Variants in DGKQ observed in about 807,000 individuals in gnomAD.
DGKQ encodes the protein DAG kinase theta.
A neutral mutation model predicts 104.2 loss-of-function variants in DGKQ; 97 were observed. The ratio of observed to expected loss-of-function variants is 0.93; its 90% CI spans 0.79 to 1.10. DGKQ has a LOEUF of 1.10. Ranked by LOEUF, DGKQ falls within the 50% of genes least tolerant of loss-of-function variation. The pLI, the probability that DGKQ is intolerant of heterozygous loss-of-function variation, is 0.00. For missense variants in DGKQ, 1,465 were observed against 1,352.1 expected (o/e 1.08, Z -1.31); for synonymous variants, 736 against 595.2 (o/e 1.24, Z -3.44).
chr4:961,840 G>A lies in DGKQ; in HGVS notation c.2316-6C>T, dbSNP rs201948586. ...ACACACCCTTGTTGTGCAGCCTGCA[G>A]GACGGGGCAGGTCACCCATCACCAG... On this transcript the variant is annotated splice_region_variant and splice_polypyrimidine_tract_variant and intron_variant, in intron 19 of 22. Coordinates refer to ENST00000273814, the MANE Select transcript of DGKQ (RefSeq NM_001347.4). 6.1e-5 allele frequency: 98 copies of A among 1,593,756 alleles called. 2 individuals carry two copies. In the East Asian group the frequency reaches 2.1e-3, roughly 34 times the overall value.
intron 12 of DGKQ, 174 bp from the exon 13 acceptor site, chr4:966,252 C>G: frequency 1.2e-6 from 1 of 851,968 alleles, no homozygotes; most frequent in Non-Finnish European, 1.8e-6. Flanking sequence ...TGGACAACCC[C>G]TGTCCGTTCC....
chr4:967,497 G>GGAAAGACCCCACACGACGCAGACCCACCT, intron 8 of DGKQ, 52 bp downstream of exon 8: 1 of 1,572,894 alleles, frequency 6.4e-7, no homozygotes, highest in Non-Finnish European at 8.7e-7. Flanking sequence ...GCCAGGTGCG[G>GGAAAGACCCCACACGACGCAGACCCACCT]GGACATGCGG....
In DGKQ at chr4:967,614, C is replaced by T. The variant is rs1246739739; in HGVS notation, c.922G>A (p.Ala308Thr). Residue 308 changes from alanine to threonine, a missense_variant, in exon 8 of 23, where the codon GCG becomes ACG. Ala to Thr is a moderately conservative substitution (Grantham distance 58, BLOSUM62 0). Coordinates refer to ENST00000273814, the MANE Select transcript of DGKQ (RefSeq NM_001347.4). The part of the protein sequence containing the change: ...QTLKIFDGDD[A>T]VRRSQFRLVT... The stretch of plus-strand genomic sequence containing the variant: ...AGGCGGAACTGGCTTCTTCTCACCG[C>T]GTCGTCGCCATCAAAGATCTTCAGC... 4 of 1,612,670 alleles carry T rather than the reference C, an allele frequency of 2.5e-6. No individual in the cohort carries two copies. Among genetic ancestry groups the T allele is most frequent in the Admixed American group, 1.7e-5 (1 of 60,006 alleles).
rs140396044 is a variant in DGKQ, at chr4:960,740, C to G, written c.2728-19G>C. The stretch of plus-strand genomic sequence containing the variant: ...TGTGCACCTGTCCCAGGGCAGGGGA[C>G]AGAGGACCAGGGTGACATGGCCGAT... On this transcript the variant is annotated intron_variant, in intron 22 of 22. Coordinates refer to ENST00000273814, the MANE Select transcript of DGKQ (RefSeq NM_001347.4). The G allele has an allele frequency of 1.8e-3, 2,899 of 1,610,064 alleles. 5 individuals carry two copies. The highest frequency in any genetic ancestry group is 2.2e-3 in the Non-Finnish European group (2,564 of 1,178,698).
rs563228872 is a variant in DGKQ, at chr4:970,914, G to A, written c.351+79C>T. 100 of 1,147,398 alleles carry A rather than the reference G, an allele frequency of 8.7e-5. 1 individual carries two copies. The South Asian group carries it at 9.0e-4, about 10-fold the overall frequency. The allele number at this position is 1,147,398 out of a possible 1,614,324, so 71.1% of individuals were successfully genotyped here. On this transcript the variant is annotated intron_variant, in intron 2 of 22. Transcript: ENST00000273814. ...AGGTATCACTAACGTCTGACATGAA[G>A]GTTTTCAGTGCCTCGACCCTACGAG...
intron 19 of DGKQ, 71 bp from the exon 20 acceptor site, chr4:961,905 G>T: frequency 3.7e-6 from 6 of 1,605,848 alleles, no homozygotes; most frequent in Non-Finnish European, 5.1e-6. Flanking sequence ...CCGGGTTCCG[G>T]CCCCTCTGCC....
chr4:962,635 A>G (rs773334412), intron 17 of DGKQ, 22 bp from the exon 18 acceptor site: 3 of 1,603,900 alleles, frequency 1.9e-6, no homozygotes, highest in East Asian at 4.5e-5. Flanking sequence ...GCAGACACAG[A>G]GCATCTGTCC....
rs531803668 is a variant in DGKQ at position 959,495 on chromosome 4, T to G, written c.*1125A>C. 1 of 152,366 alleles carries G rather than the reference T, an allele frequency of 6.6e-6. No individual in the cohort carries two copies. The highest frequency in any genetic ancestry group is 1.5e-5 in the Non-Finnish European group (1 of 68,056). The allele number at this position is 152,366 out of a possible 1,614,324, so 9.4% of individuals were successfully genotyped here. Reference sequence around the variant, plus strand: ...TGGGCACGTGGAGGCAGCTTTGTCTTTGGCTGGGTGCACCCCAGCCTGGCC... The same window carrying G: ...TGGGCACGTGGAGGCAGCTTTGTCTGTGGCTGGGTGCACCCCAGCCTGGCC... On this transcript the variant is annotated 3_prime_UTR_variant, in exon 23 of 23. Transcript: ENST00000273814.
rs1203346026 is a variant in DGKQ at position 967,729 on chromosome 4, G to C, written c.885C>G (p.Ser295=). 6.2e-7 allele frequency: 1 copy of C among 1,611,012 alleles called. No individual in the cohort carries two copies. Among genetic ancestry groups the C allele is most frequent in the East Asian group, 2.2e-5 (1 of 44,814 alleles). The change falls in exon 7 of 23, where the codon TCC becomes TCG. Residue 295 remains serine (S), a splice_region_variant and synonymous_variant. Coordinates refer to ENST00000273814, the MANE Select transcript of DGKQ (RefSeq NM_001347.4). ...PGRETQATPE[S]GKQTLKIFDG... ...GGGGGGAATGAGGCGGGCACTTACC[G>C]GACTCCGGAGTTGCCTGTGTCTCTC...
intron 21 of DGKQ, 109 bp downstream of exon 21, chr4:961,358 G>T: frequency 7.9e-7 from 1 of 1,262,458 alleles, no homozygotes; most frequent in Non-Finnish European, 1.1e-6. Context: ...AGCGGGGACC[G>T]GGGACGCCCA....
Position 967,013 on chromosome 4 carries a change from C to T in DGKQ, c.1262G>A (p.Ser421Asn). The change falls in exon 10 of 23, where the codon AGC (serine) becomes AAC (asparagine). Residue 421 changes from serine to asparagine, a missense_variant. Ser to Asn is a conservative substitution (Grantham distance 46). Coordinates refer to ENST00000273814, the MANE Select transcript of DGKQ (RefSeq NM_001347.4). ...CTCCAGCACCACAGAGCGGGCCGTG[C>T]TCTTCGGGGTCACTCGCACGGACAC... The part of the protein sequence containing the change: ...AYVSVRVTPK[S>N]TARSVVLEVL... 1 of 1,564,996 alleles carries T rather than the reference C, an allele frequency of 6.4e-7. No individual in the cohort carries two copies. Among genetic ancestry groups the T allele is most frequent in the Non-Finnish European group, 8.6e-7 (1 of 1,156,972 alleles).
Position 967,066 on chromosome 4 carries a change from C to A in DGKQ, c.1221-12G>T, listed in dbSNP as rs1021847826. 9.7e-6 allele frequency: 15 copies of A among 1,549,044 alleles called. No homozygotes were observed. The highest frequency in any genetic ancestry group is 1.3e-5 in the Non-Finnish European group (15 of 1,145,666). On this transcript the variant is annotated splice_polypyrimidine_tract_variant and intron_variant, in intron 9 of 22. Coordinates refer to ENST00000273814, the MANE Select transcript of DGKQ (RefSeq NM_001347.4). ...AGGCCACGCCCACCCTGTGGGGACA[C>A]AGTCTGAGCTGGAGCTCCCCCCACC... is the stretch of plus-strand genomic sequence containing the variant.
At position 962,494 on chromosome 4, in the gene DGKQ, G is replaced by C. The variant is rs1401325986; in HGVS notation, c.2155C>G (p.Leu719Val). 3.7e-6 allele frequency: 6 copies of C among 1,608,712 alleles called. No individual in the cohort carries two copies. In the South Asian group the frequency reaches 6.6e-5, roughly 18 times the overall value. ...AVLMDRWTIL[L>V]DAHEAGSAEN... ...GCACTGCCAGCCTCGTGGGCATCCA[G>C]CAGGATGGTCCAGCGGTCCATGAGC... The change falls in exon 18 of 23, where the codon CTG (leucine) becomes GTG (valine). Residue 719 changes from leucine to valine, a missense_variant. Coordinates refer to ENST00000273814, the MANE Select transcript of DGKQ (RefSeq NM_001347.4).
Position 962,560 on chromosome 4 carries a change from G to C in DGKQ, c.2089C>G (p.Pro697Ala). ...RWGAGYSGED[P>A]FSVLLSVDEA... ...TCCACAGACAGCAGTACGGAGAACG[G>C]GTCCTCGCCGCTGTAGCCCGCCCCC... is the stretch of plus-strand genomic sequence containing the variant. Residue 697 changes from proline (P) to alanine (A), a missense_variant, in exon 18 of 23, where the codon CCG becomes GCG. Physicochemically the swap from Pro to Ala is conservative, Grantham distance 27. Coordinates refer to ENST00000273814, the MANE Select transcript of DGKQ (RefSeq NM_001347.4). The C allele has an allele frequency of 2.5e-6, 4 of 1,610,066 alleles. No homozygotes were observed. Among genetic ancestry groups the C allele is most frequent in the Non-Finnish European group, 3.4e-6 (4 of 1,179,916 alleles).
Position 968,565 on chromosome 4 carries a change from C to A in DGKQ, c.452-1G>T. The A allele has an allele frequency of 1.2e-6, 2 of 1,606,350 alleles. No homozygotes were observed. Among genetic ancestry groups the A allele is most frequent in the Non-Finnish European group, 1.7e-6 (2 of 1,176,758 alleles). On this transcript the variant is annotated splice_acceptor_variant, in intron 3 of 22. Transcript: ENST00000273814. LOFTEE classifies it high-confidence loss of function. ...TCTGGGTGGAGGTGCAGCTCACACACTGGGGGGCAGGCAGGGTTAGAGGTG... is the reference window on the plus strand; with the variant it reads ...TCTGGGTGGAGGTGCAGCTCACACAATGGGGGGCAGGCAGGGTTAGAGGTG...
Position 973,201 on chromosome 4 carries a change from C to T in DGKQ, c.271+11G>A. 1 of 1,542,568 alleles carries T rather than the reference C, an allele frequency of 6.5e-7. No homozygotes were observed. Among genetic ancestry groups the T allele is most frequent in the Non-Finnish European group, 8.7e-7 (1 of 1,147,420 alleles). ...GCTGCAGCCGGGTAGGCATCGGGCCCGGGCGCTCACCGTCGCACAGGAAGC... is the reference window on the plus strand; with the variant it reads ...GCTGCAGCCGGGTAGGCATCGGGCCTGGGCGCTCACCGTCGCACAGGAAGC... On this transcript the variant is annotated intron_variant, in intron 1 of 22. Coordinates refer to ENST00000273814, the MANE Select transcript of DGKQ (RefSeq NM_001347.4).
chr4:966,170 G>A (rs984321804), intron 12 of DGKQ, 92 bp from the exon 13 acceptor site: 11 of 1,319,190 alleles, frequency 8.3e-6, no homozygotes, highest in Non-Finnish European at 1.2e-5. Flanking sequence ...AGCAAAACAG[G>A]GCATCAGGAA....
intron 22 of DGKQ, 36 bp downstream of exon 22, chr4:961,013 C>A (rs1486328763): frequency 1.2e-6 from 2 of 1,607,596 alleles, no homozygotes; most frequent in Admixed American, 1.7e-5. Flanking sequence ...CCAGCCCGGC[C>A]CACCTCCCCT....
rs1274802329 is a variant in DGKQ at position 967,937 on chromosome 4, G to A, written c.754C>T (p.Leu252=). 1.4e-6 allele frequency: 2 copies of A among 1,476,902 alleles called. No homozygotes were observed. Among genetic ancestry groups the A allele is most frequent in the African/African-American group, 1.5e-5 (1 of 68,628 alleles). The allele number at this position is 1,476,902 out of a possible 1,614,324, so 91.5% of individuals were successfully genotyped here. The change falls in exon 6 of 23, where the codon CTG becomes TTG. Residue 252 remains leucine (L), a synonymous_variant. Coordinates refer to ENST00000273814, the MANE Select transcript of DGKQ (RefSeq NM_001347.4). ...TGCGTCTTGCTGAAGCCGCCGGGCA[G>A]AAGGCGCACGCACGCGGGAGGCAGG... ...LVLPPACVRL[L]PGGFSKTQSF...
Sources: gnomAD v4.1 joint callset for allele counts on GRCh38, gnomAD v4.1.1 for gene constraint, MANE v1.5 for transcripts, NCBI Gene and HGNC (gene_info 2026-07-23, HGNC 2026-07-21) for gene names.